The following SLC38A11 variants were observed in gnomAD, a reference collection of about 807,000 sequenced individuals.
SLC38A11 encodes the protein solute carrier family 38 member 11, also known as putative sodium-coupled neutral amino acid transporter 11.
In SLC38A11, 51 loss-of-function variants were observed where a neutral mutation model predicts 49.4. The ratio of observed to expected loss-of-function variants is 1.03; its 90% confidence interval spans 0.83 to 1.30. The LOEUF is 1.30. Ranked by LOEUF, SLC38A11 falls within the 50% of genes most tolerant of loss-of-function variation. The probability of loss-of-function intolerance (pLI) is 0.00; values close to 1 mark genes in which losing one functional copy is unlikely to be tolerated. For synonymous variants in SLC38A11, 203 were observed against 192.9 expected (o/e 1.05, Z -0.43); for missense variants, 574 against 556.2 (o/e 1.03, Z -0.32).
rs997192307 is a variant in SLC38A11, at chr2:164,951,866, G to C, written c.229+841C>G. Among the ~76,000 whole-genome samples, 5 of 152,290 alleles carry C rather than the reference G, an allele frequency of 3.3e-5. No individual in the cohort carries two copies. In the East Asian group the frequency reaches 9.7e-4, roughly 29 times the overall value. ...CGTGGAGGCAAGGAGACCCCCTGGA[G>C]GCCCAGGGCAACACTCCAGAGCAAA... On this transcript the variant is annotated intron_variant, in intron 3 of 11. Coordinates refer to ENST00000685975, the MANE Select transcript of SLC38A11 (RefSeq NM_001351537.2).
chr2:164,945,635 AC>A lies in SLC38A11; in HGVS notation c.321del (p.Tyr108IlefsTer14). On this transcript the variant is annotated frameshift_variant, in exon 4 of 12. Transcript: ENST00000685975. LOFTEE classifies it high-confidence loss of function. ...SLVNKTFGFP[G>X]YLLLSVLQFL... The stretch of plus-strand genomic sequence containing the variant: ...AACTGAAGAACAGAGAGGAGCAGAT[AC>A]CCTGGAAAGCCGAAAGTTTTATTGA... 1 of 1,611,686 alleles carries A rather than the reference AC, an allele frequency of 6.2e-7. No individual in the cohort carries two copies. Among genetic ancestry groups the A allele is most frequent in the Non-Finnish European group, 8.5e-7 (1 of 1,179,536 alleles).
In SLC38A11 at chr2:164,939,488, G is replaced by T; in HGVS notation, c.499C>A (p.Pro167Thr). ...GCTATATTTCGGTACAAGGATAAAGGCAGAGTAAAGGTAACTGTGGAAAGT... is the reference window on the plus strand; with the variant it reads ...GCTATATTTCGGTACAAGGATAAAGTCAGAGTAAAGGTAACTGTGGAAAGT... ...IGLSTVTFTL[P>T]LSLYRNIAKL... Residue 167 changes from proline (P) to threonine (T), a missense_variant, in exon 6 of 12, where the codon CCT (proline) becomes ACT (threonine). Coordinates refer to ENST00000685975, the MANE Select transcript of SLC38A11 (RefSeq NM_001351537.2). 1 of 1,610,452 alleles carries T rather than the reference G, an allele frequency of 6.2e-7. No homozygotes were observed. Among genetic ancestry groups the T allele is most frequent in the East Asian group, 2.2e-5 (1 of 44,664 alleles).
rs571262219 is a variant in SLC38A11, at chr2:164,918,307, A to G, written c.618-2334T>C. 4.2e-4 allele frequency among the ~76,000 whole-genome samples: 64 copies of G among 152,208 alleles called. 1 individual carries two copies. The South Asian group carries it at 9.5e-3, about 23-fold the overall frequency. ...AGGGGAGTTTAATAACAAAATATTA[A>G]TATAATCAATATTTATTAATAGCTG... On this transcript the variant is annotated intron_variant, in intron 7 of 11. Coordinates refer to ENST00000685975, the MANE Select transcript of SLC38A11 (RefSeq NM_001351537.2).
In SLC38A11 at chr2:164,915,099, T is replaced by C; in HGVS notation, c.850+13A>G. 3 of 1,598,998 alleles carry C rather than the reference T, an allele frequency of 1.9e-6. No individual in the cohort carries two copies. The highest frequency in any genetic ancestry group is 2.6e-6 in the Non-Finnish European group (3 of 1,173,054). On this transcript the variant is annotated intron_variant, in intron 9 of 11. Coordinates refer to ENST00000685975, the MANE Select transcript of SLC38A11 (RefSeq NM_001351537.2). ...AATGCACATGAACACTATAACTGAA[T>C]CTCTCATTTTACCTTGGGTGAAGCC... is the stretch of plus-strand genomic sequence containing the variant.
At chr2:164,945,408 G>A (rs1293460855) in intron 4 of SLC38A11, among the ~76,000 whole-genome samples, 185 bp downstream of exon 4, 3 of 151,940 alleles carry the variant, frequency 2.0e-5, no homozygotes. Context: ...AAAAGAAATA[G>A]TCAGAAAATA....
intron 7 of SLC38A11, 90 bp downstream of exon 7, chr2:164,937,260 T>C (rs1006858027): frequency 1.7e-5 from 14 of 847,786 alleles, no homozygotes; most frequent in Middle Eastern, 2.3e-4. Flanking sequence ...TCTGATACCA[T>C]GGTTACTTTA....
intron 5 of SLC38A11, among the ~76,000 whole-genome samples, chr2:164,944,189 CTA>C (rs1284386073): frequency 3.9e-5 from 6 of 152,112 alleles, no homozygotes; most frequent in African/African-American, 1.4e-4. Flanking sequence ...TAATTTTACT[CTA>C]TTAAATTATT....
intron 11 of SLC38A11, among the ~76,000 whole-genome samples, chr2:164,904,636 A>G (rs886736328): frequency 6.6e-6 from 1 of 152,206 alleles, no homozygotes; most frequent in African/African-American, 2.4e-5. Context: ...GCTATTAACT[A>G]CATTTCTAAA....
At chr2:164,953,849 C>G (rs12329355) in intron 2 of SLC38A11, among the ~76,000 whole-genome samples, 66,713 of 151,816 alleles carry the variant, frequency 0.44, 15,076 homozygotes, top group South Asian at 0.68. Context: ...TTGTTTTCTT[C>G]TTGTCTTTTC....
chr2:164,947,286 C>G (rs927796159), intron 3 of SLC38A11, among the ~76,000 whole-genome samples: 21 of 151,866 alleles, frequency 1.4e-4, no homozygotes, highest in African/African-American at 5.1e-4. Flanking sequence ...TGCCCACCAC[C>G]ATGCCTGGCT....
At position 164,908,717 on chromosome 2, in the gene SLC38A11, C is replaced by T; in HGVS notation, c.1018G>A (p.Val340Ile). ...GCTACAGTGATGACCATCACTGTTA[C>T]AACAATGTGGAAAACCGATGAAAGA... ...GNLSSVFHIV[V>I]TVMVITVATL... Residue 340 changes from valine to isoleucine, a missense_variant, in exon 11 of 12, where the codon GTA becomes ATA. Physicochemically the swap from Val to Ile is conservative, Grantham distance 29. Coordinates refer to ENST00000685975, the MANE Select transcript of SLC38A11 (RefSeq NM_001351537.2). 1 of 1,610,922 alleles carries T rather than the reference C, an allele frequency of 6.2e-7. No individual in the cohort carries two copies. The highest frequency in any genetic ancestry group is 8.5e-7 in the Non-Finnish European group (1 of 1,178,388).
At chr2:164,954,395 T>G (rs1355662393) in intron 2 of SLC38A11, among the ~76,000 whole-genome samples, 1 of 152,142 alleles carries the variant, frequency 6.6e-6, no homozygotes, top group African/African-American at 2.4e-5. Flanking sequence ...ATCTACCACA[T>G]GTGGAAGATG....
At chr2:164,924,993 G>A (rs1423032736) in intron 7 of SLC38A11, among the ~76,000 whole-genome samples, 1 of 152,060 alleles carries the variant, frequency 6.6e-6, no homozygotes, top group African/African-American at 2.4e-5. Flanking sequence ...TGATCTGCCC[G>A]CCTCAGCCTC....
At position 164,939,487 on chromosome 2, in the gene SLC38A11, G is replaced by T; in HGVS notation, c.500C>A (p.Pro167His). Residue 167 changes from proline (P) to histidine (H), a missense_variant, in exon 6 of 12, where the codon CCT becomes CAT. Transcript: ENST00000685975. ...TGCTATATTTCGGTACAAGGATAAAGGCAGAGTAAAGGTAACTGTGGAAAG... is the reference window on the plus strand; with the variant it reads ...TGCTATATTTCGGTACAAGGATAAATGCAGAGTAAAGGTAACTGTGGAAAG... The part of the protein sequence containing the change: ...IGLSTVTFTL[P>H]LSLYRNIAKL... 1 of 1,610,338 alleles carries T rather than the reference G, an allele frequency of 6.2e-7. No individual in the cohort carries two copies. The highest frequency in any genetic ancestry group is 8.5e-7 in the Non-Finnish European group (1 of 1,177,818).
chr2:164,908,654 C>T lies in SLC38A11; in HGVS notation c.1081G>A (p.Val361Ile), dbSNP rs1400643627. ...VSLLIDCLGIVLELNGVLCAT... is the reference protein window; with the variant it reads ...VSLLIDCLGIILELNGVLCAT... ...CACGTACTCACATTGAGTTCTAGAA[C>T]TATCCCGAGGCAATCAATCAGCAAT... Residue 361 changes from valine (V) to isoleucine (I), a missense_variant, in exon 11 of 12, where the codon GTT (valine) becomes ATT (isoleucine). Coordinates refer to ENST00000685975, the MANE Select transcript of SLC38A11 (RefSeq NM_001351537.2). 1.9e-6 allele frequency: 3 copies of T among 1,594,810 alleles called. No individual in the cohort carries two copies. In the South Asian group the frequency reaches 3.4e-5, roughly 18 times the overall value.
chr2:164,943,766 C>G (rs563756787), intron 5 of SLC38A11, among the ~76,000 whole-genome samples: 4 of 152,180 alleles, frequency 2.6e-5, no homozygotes, highest in Non-Finnish European at 5.9e-5. Flanking sequence ...CAGGCACATG[C>G]TACTGTGCCT....
At position 164,945,623 on chromosome 2, in the gene SLC38A11, AG is replaced by A. The variant is rs1559128743; in HGVS notation, c.333del (p.Ser112LeufsTer10). 1 of 1,607,752 alleles carries A rather than the reference AG, an allele frequency of 6.2e-7. No homozygotes were observed. Among genetic ancestry groups the A allele is most frequent in the Non-Finnish European group, 8.5e-7 (1 of 1,178,730 alleles). ...KTFGFPGYLL[L>X]SVLQFLYPFI... ...AAAGGATACAAAAACTGAAGAACAG[AG>A]AGGAGCAGATACCCTGGAAAGCCGA... On this transcript the variant is annotated frameshift_variant, in exon 4 of 12. Transcript: ENST00000685975. LOFTEE classifies it high-confidence loss of function.
intron 11 of SLC38A11, among the ~76,000 whole-genome samples, chr2:164,901,830 T>C (rs1293923501): frequency 1.3e-5 from 2 of 152,062 alleles, no homozygotes; most frequent in Non-Finnish European, 2.9e-5. Context: ...TTACCTTTTA[T>C]TGGATCTTAG....
intron 7 of SLC38A11, among the ~76,000 whole-genome samples, chr2:164,918,158 A>G (rs1210311555): frequency 6.6e-6 from 1 of 152,046 alleles, no homozygotes; most frequent in Non-Finnish European, 1.5e-5. Flanking sequence ...CTCAACCTGG[A>G]TGGAAACATA....
Sources: gnomAD v4.1 joint callset for allele counts (sites outside exome capture counted in the v4.1 genomes callset) on GRCh38, gnomAD v4.1.1 for gene constraint, MANE v1.5 for transcripts, NCBI Gene and HGNC (gene_info 2026-07-23, HGNC 2026-07-21) for gene names.